Variants in PIWIL4 observed in about 807,000 individuals in gnomAD.
The protein encoded by PIWIL4 is piwi like RNA-mediated gene silencing 4.
Under a neutral mutation model 100.9 loss-of-function variants are expected in PIWIL4, and 50 were observed. That is an observed-to-expected ratio of 0.50 (90% CI 0.39 to 0.63). The LOEUF is 0.63. Among genes scored for constraint, PIWIL4 ranks in the 20% least tolerant of loss-of-function variants. PIWIL4 has a pLI of 0.00. For synonymous variants in PIWIL4, 342 were observed against 367.5 expected (o/e 0.93, Z 0.79); for missense variants, 887 against 1,043.3 (o/e 0.85, Z 2.06).
At chr11:94,605,157 AT>A (rs1462562065) in intron 13 of PIWIL4, among the ~76,000 whole-genome samples, 1 of 152,224 alleles carries the variant, frequency 6.6e-6, no homozygotes, top group African/African-American at 2.4e-5. Flanking sequence ...TTACAGAAGC[AT>A]ATGACAATCA....
At chr11:94,607,366 T>C in intron 13 of PIWIL4, 73 bp from the exon 14 acceptor site, 1 of 1,333,116 alleles carries the variant, frequency 7.5e-7, no homozygotes. Flanking sequence ...ATTCATGAAT[T>C]CATTTCTTTA....
intron 1 of PIWIL4, 139 bp downstream of exon 1, chr11:94,567,744 C>T: frequency 4.7e-6 from 6 of 1,278,346 alleles, no homozygotes; most frequent in Non-Finnish European, 6.0e-6. Context: ...TTGAGTCTTT[C>T]CAAGGTTTCT....
At chr11:94,600,915 T>G (rs913732543) in intron 11 of PIWIL4, among the ~76,000 whole-genome samples, 12 of 152,096 alleles carry the variant, frequency 7.9e-5, no homozygotes, top group African/African-American at 2.7e-4. Context: ...GGCTCACCGG[T>G]GGTCAGAGTT....
chr11:94,577,326 A>AT lies in PIWIL4; in HGVS notation c.351dup (p.Pro118SerfsTer20). The stretch of plus-strand genomic sequence containing the variant: ...CTGGTTACAAACCTCTTTAACTTAG[A>AT]TTTTCCCCAAGACTGGCAGCTATAC... On this transcript the variant is annotated frameshift_variant, in exon 4 of 20. Coordinates refer to ENST00000299001, the MANE Select transcript of PIWIL4 (RefSeq NM_152431.3). LOFTEE classifies it high-confidence loss of function. The AT allele has an allele frequency of 6.2e-7, 1 of 1,614,024 alleles. No homozygotes were observed. The highest frequency in any genetic ancestry group is 8.5e-7 in the Non-Finnish European group (1 of 1,179,994).
intron 6 of PIWIL4, among the ~76,000 whole-genome samples, chr11:94,585,841 C>T (rs1948391622): frequency 6.6e-6 from 1 of 152,120 alleles, no homozygotes; most frequent in Admixed American, 6.5e-5. Flanking sequence ...GTTGTTAGCA[C>T]AGCCAGAGTG....
chr11:94,602,414 C>T (rs1948655180), intron 12 of PIWIL4, among the ~76,000 whole-genome samples: 1 of 152,090 alleles, frequency 6.6e-6, no homozygotes. Flanking sequence ...GAAAATAGAT[C>T]TCAAATAAGC....
At chr11:94,591,452 G>A (rs1392289268) in intron 8 of PIWIL4, among the ~76,000 whole-genome samples, 5 of 152,204 alleles carry the variant, frequency 3.3e-5, no homozygotes, top group Admixed American at 6.5e-5. Flanking sequence ...TCTTGAACAC[G>A]TATTCCTTGG....
At chr11:94,618,377 G>A (rs1213755573) in intron 17 of PIWIL4, among the ~76,000 whole-genome samples, 1 of 152,202 alleles carries the variant, frequency 6.6e-6, no homozygotes, top group Non-Finnish European at 1.5e-5. Context: ...AGCTGACACA[G>A]ATTCAGCATG....
At chr11:94,589,329 G>C in intron 8 of PIWIL4, 97 bp downstream of exon 8, 3 of 983,232 alleles carry the variant, frequency 3.1e-6, no homozygotes, top group Non-Finnish European at 4.6e-6. Flanking sequence ...TGGAGGCTGA[G>C]TCTGCCTCCG....
At chr11:94,607,809 C>T (rs144991354) in intron 14 of PIWIL4, among the ~76,000 whole-genome samples, 170 bp downstream of exon 14, 218 of 152,276 alleles carry the variant, frequency 1.4e-3, no homozygotes, top group African/African-American at 4.5e-3. Context: ...AAAGAGGCTC[C>T]ATACTTCTCA....
chr11:94,593,478 T>C, intron 8 of PIWIL4, 40 bp from the exon 9 acceptor site: 1 of 1,596,080 alleles, frequency 6.3e-7, no homozygotes. Context: ...TGGCGGTGCT[T>C]CCATGTTAAC....
At chr11:94,571,241 AT>A (rs962243955) in intron 2 of PIWIL4, among the ~76,000 whole-genome samples, 4 of 150,308 alleles carry the variant, frequency 2.7e-5, no homozygotes, top group South Asian at 2.1e-4. Flanking sequence ...TCTGCCACAC[AT>A]TTTTTTTTGT....
chr11:94,616,044 A>G (rs977884475), intron 15 of PIWIL4, among the ~76,000 whole-genome samples: 1 of 152,264 alleles, frequency 6.6e-6, no homozygotes. Context: ...TTGCTAAATT[A>G]GTACATTAAT....
intron 16 of PIWIL4, 40 bp from the exon 17 acceptor site, chr11:94,617,914 A>G (rs200528415): frequency 3.1e-6 from 5 of 1,599,970 alleles, no homozygotes; most frequent in Middle Eastern, 1.7e-4. Context: ...TGTTGGCATT[A>G]GAAAAGTAAT....
chr11:94,575,160 A>T, intron 3 of PIWIL4, 30 bp downstream of exon 3: 1 of 1,605,608 alleles, frequency 6.2e-7, no homozygotes, highest in Non-Finnish European at 8.5e-7. Flanking sequence ...TTACTTTTTT[A>T]ATGTTACCAA....
intron 14 of PIWIL4, chr11:94,608,338 A>G: frequency 2.5e-6 from 1 of 397,436 alleles, no homozygotes; most frequent in Non-Finnish European, 4.6e-6. Flanking sequence ...CCCACAAAGG[A>G]TGATGGTTAT....
intron 2 of PIWIL4, among the ~76,000 whole-genome samples, chr11:94,574,181 G>C (rs577919593): frequency 3.9e-5 from 6 of 152,182 alleles, no homozygotes; most frequent in South Asian, 2.1e-4. Flanking sequence ...ATGTTTTCTA[G>C]AAGCTGTCAG....
At chr11:94,579,265 T>A (rs971148218) in intron 4 of PIWIL4, among the ~76,000 whole-genome samples, 1 of 152,232 alleles carries the variant, frequency 6.6e-6, no homozygotes, top group African/African-American at 2.4e-5. Flanking sequence ...TTTTTAAAGT[T>A]TTTTTAATGC....
chr11:94,567,659 GC>G, intron 1 of PIWIL4, 54 bp downstream of exon 1: 1 of 1,494,556 alleles, frequency 6.7e-7, no homozygotes. Context: ...TCTGTCTCTA[GC>G]CTGAACAATG....
Sources: allele counts gnomAD v4.1 joint callset (sites outside exome capture counted in the v4.1 genomes callset), GRCh38; gene constraint gnomAD v4.1.1; transcripts MANE v1.5; gene names NCBI Gene and HGNC (gene_info 2026-07-23, HGNC 2026-07-21).